Variants in ADCY5 observed in about 807,000 individuals in gnomAD.
The protein encoded by ADCY5 is adenylate cyclase 5.
Under a neutral mutation model 119.7 loss-of-function variants are expected in ADCY5, and 30 were observed. The ratio of observed to expected loss-of-function variants is 0.25; its 90% confidence interval spans 0.19 to 0.34. The LOEUF (loss-of-function observed/expected upper bound fraction) is 0.34, where lower values mean the gene tolerates loss of function less well. Among genes scored for constraint, ADCY5 ranks in the 10% least tolerant of loss-of-function variants. The pLI is 1.00. For missense variants in ADCY5, 1,324 were observed against 1,775.2 expected (o/e 0.75, Z 4.57); for synonymous variants, 753 against 762.2 (o/e 0.99, Z 0.20).
Position 123,427,524 on chromosome 3 carries a change from T to C in ADCY5, c.1134+19888A>G, listed in dbSNP as rs115242354. On this transcript the variant is annotated intron_variant, in intron 1 of 20. Transcript: ENST00000462833. ...TTGCCCTTTCCCATGTCTCTGCACA[T>C]GGAAATCCCTATTCATCCTCTAAGC... Among the ~76,000 whole-genome samples the C allele has an allele frequency of 1.3e-3, 194 of 152,270 alleles. 1 individual carries two copies. The highest frequency in any genetic ancestry group is 4.5e-3 in the African/African-American group (185 of 41,552).
At chr3:123,409,880 G>A (rs1944998411) in intron 1 of ADCY5, among the ~76,000 whole-genome samples, 1 of 152,214 alleles carries the variant, frequency 6.6e-6, no homozygotes, top group African/African-American at 2.4e-5. Flanking sequence ...TGTGGTTAGA[G>A]GAGCTAATCT....
chr3:123,320,635 A>G, intron 9 of ADCY5, 114 bp downstream of exon 9: 1 of 1,421,534 alleles, frequency 7.0e-7, no homozygotes, highest in Non-Finnish European at 9.9e-7. Context: ...ACTCTCAGCT[A>G]AGACTGCAAG....
chr3:123,317,386 G>A (rs537675686), intron 11 of ADCY5, among the ~76,000 whole-genome samples: 1 of 150,618 alleles, frequency 6.6e-6, no homozygotes, highest in South Asian at 2.1e-4. Flanking sequence ...TACTTTGGGT[G>A]ACTCAATTGT....
chr3:123,300,275 C>T lies in ADCY5; in HGVS notation c.2745G>A (p.Leu915=), dbSNP rs1939769191. 6.2e-7 allele frequency: 1 copy of T among 1,613,422 alleles called. No individual in the cohort carries two copies. The highest frequency in any genetic ancestry group is 1.3e-5 in the African/African-American group (1 of 75,072). Residue 915 remains leucine, a synonymous_variant, in exon 15 of 21, where the codon CTG becomes CTA. Coordinates refer to ENST00000462833, the MANE Select transcript of ADCY5 (RefSeq NM_183357.3). ...NFPEYFTYSV[L]LSLLACSVFL... is the part of the protein sequence containing the mutation. ...ACACGGAGCAGGCCAGCAGGCTGAG[C>T]AGCACGCTGTAGGTGAAGTACTGCG...
intron 1 of ADCY5, among the ~76,000 whole-genome samples, chr3:123,376,045 G>T (rs759384758): frequency 6.6e-6 from 1 of 151,688 alleles, no homozygotes; most frequent in Non-Finnish European, 1.5e-5. Context: ...GCCTTAATCC[G>T]CCTGCTCACC....
At chr3:123,351,435 G>A (rs1942833252) in intron 2 of ADCY5, among the ~76,000 whole-genome samples, 1 of 152,220 alleles carries the variant, frequency 6.6e-6, no homozygotes, top group South Asian at 2.1e-4. Context: ...GACCTTCCAT[G>A]TTCATATCAG....
chr3:123,408,017 C>G (rs1343585980), intron 1 of ADCY5, among the ~76,000 whole-genome samples: 1 of 151,770 alleles, frequency 6.6e-6, no homozygotes, highest in Non-Finnish European at 1.5e-5. Flanking sequence ...TTTTTTAAAG[C>G]GTGGTTTTTT....
chr3:123,316,794 G>A (rs1940933030), intron 11 of ADCY5, among the ~76,000 whole-genome samples: 1 of 152,148 alleles, frequency 6.6e-6, no homozygotes, highest in Non-Finnish European at 1.5e-5. Flanking sequence ...GGTATATAAA[G>A]TATTGGGGTT....
At chr3:123,296,318 A>G (rs1402225096) in intron 16 of ADCY5, 102 bp from the exon 17 acceptor site, 2 of 1,267,168 alleles carry the variant, frequency 1.6e-6, no homozygotes, top group Admixed American at 4.8e-5. Context: ...TCTTCCTCCC[A>G]CTATACCTTC....
intron 1 of ADCY5, among the ~76,000 whole-genome samples, chr3:123,420,783 G>A (rs934694756): frequency 6.6e-6 from 1 of 152,182 alleles, no homozygotes; most frequent in African/African-American, 2.4e-5. Context: ...ATAAACAACG[G>A]AAATCTATTG....
intron 1 of ADCY5, among the ~76,000 whole-genome samples, chr3:123,374,288 A>C (rs1184995960): frequency 6.6e-6 from 1 of 152,182 alleles, no homozygotes; most frequent in Non-Finnish European, 1.5e-5. Flanking sequence ...CAGATGATGA[A>C]GCTGCATCAG....
Position 123,319,802 on chromosome 3 carries a change from C to T in ADCY5, c.2128G>A (p.Ala710Thr). 3.7e-6 allele frequency: 6 copies of T among 1,614,190 alleles called. No individual in the cohort carries two copies. The highest frequency in any genetic ancestry group is 3.3e-4 in the Middle Eastern group (2 of 6,056). Residue 710 changes from alanine (A) to threonine (T), a missense_variant, in exon 10 of 21, where the codon GCG becomes ACG. Physicochemically the swap from Ala to Thr is moderately conservative, Grantham distance 58. This residue lies in a region of ADCY5 where 424 missense variants were observed against 546.8 expected (regional missense o/e 0.78). Transcript: ENST00000462833. ...DPKDKNAQES[A>T]NPEDEVDEFL... ...TCATCCACTTCATCCTCAGGGTTCG[C>T]ACTCTCCTGGGCGTTCCTGGGGAGC...
At chr3:123,434,750 A>AT (rs1945578751) in intron 1 of ADCY5, among the ~76,000 whole-genome samples, 1 of 152,002 alleles carries the variant, frequency 6.6e-6, no homozygotes, top group South Asian at 2.1e-4. Flanking sequence ...TCCCCAGGGG[A>AT]TTCAAAGGTG....
At chr3:123,366,375 C>A (rs1191094799) in intron 1 of ADCY5, among the ~76,000 whole-genome samples, 3 of 152,230 alleles carry the variant, frequency 2.0e-5, no homozygotes, top group Non-Finnish European at 2.9e-5. Flanking sequence ...CTCCTTACTT[C>A]CCCCTGAGGG....
chr3:123,446,538 C>T (rs1186149521), intron 1 of ADCY5, among the ~76,000 whole-genome samples: 1 of 152,224 alleles, frequency 6.6e-6, no homozygotes, highest in Non-Finnish European at 1.5e-5. Flanking sequence ...GGCAGGGGGG[C>T]TCCTCTCACC....
rs555405746 is a variant in ADCY5 at position 123,373,499 on chromosome 3, G to T, written c.1135-20918C>A. ...AAGGATGAAGGCCACGGAAGGGACA[G>T]ATTCTCACGCCCCCATCCATAGGGT... On this transcript the variant is annotated intron_variant, in intron 1 of 20. Transcript: ENST00000462833. Among the ~76,000 whole-genome samples, 212 of 152,252 alleles carry T rather than the reference G, an allele frequency of 1.4e-3. 3 individuals carry two copies. Among genetic ancestry groups the T allele is most frequent in the Admixed American group, 2.9e-3 (44 of 15,290 alleles).
At chr3:123,350,684 G>C (rs1246773835) in intron 2 of ADCY5, among the ~76,000 whole-genome samples, 1 of 152,342 alleles carries the variant, frequency 6.6e-6, no homozygotes, top group East Asian at 1.9e-4. Flanking sequence ...GCACCTGTCT[G>C]CAGAAAGCTT....
intron 15 of ADCY5, among the ~76,000 whole-genome samples, chr3:123,299,773 C>A (rs1939725727): frequency 6.6e-6 from 1 of 152,238 alleles, no homozygotes; most frequent in Non-Finnish European, 1.5e-5. Context: ...CAAAGCTTGT[C>A]CCTCTGCTCC....
rs376634525 is a variant in ADCY5 at position 123,296,096 on chromosome 3, G to A, written c.3051C>T (p.Leu1017=). The A allele has an allele frequency of 5.5e-5, 89 of 1,613,928 alleles. No individual in the cohort carries two copies. Among genetic ancestry groups the A allele is most frequent in the Non-Finnish European group, 7.0e-5 (83 of 1,179,966 alleles). ...QVESTARLDF[L]WKLQATEEKE... is the part of the protein sequence containing the mutation. ...CAGGGCCACCCACCTGCAGTTTCCAGAGGAAGTCGAGGCGGGCAGTGGACT... is the reference window on the plus strand; with the variant it reads ...CAGGGCCACCCACCTGCAGTTTCCAAAGGAAGTCGAGGCGGGCAGTGGACT... Residue 1017 remains leucine (L), a synonymous_variant, in exon 17 of 21, where the codon CTC becomes CTT. Transcript: ENST00000462833.
Sources: allele counts gnomAD v4.1 joint callset (sites outside exome capture counted in the v4.1 genomes callset), GRCh38; gene constraint gnomAD v4.1.1; regional missense constraint gnomAD v4.1.1; transcripts MANE v1.5; gene names NCBI Gene and HGNC (gene_info 2026-07-23, HGNC 2026-07-21).